Variants in PKNOX1 observed in about 807,000 individuals in gnomAD.
The protein encoded by PKNOX1 is homeobox protein PKNOX1.
A neutral mutation model predicts 51.9 loss-of-function variants in PKNOX1; 15 were observed. The ratio of observed to expected loss-of-function variants is 0.29; its 90% CI spans 0.19 to 0.45. The LOEUF is 0.45. Ranked by LOEUF, PKNOX1 falls within the 20% of genes least tolerant of loss-of-function variation. PKNOX1 has a pLI of 1.00. For synonymous variants in PKNOX1, 219 were observed against 211.1 expected (o/e 1.04, Z -0.32); for missense variants, 462 against 547.5 (o/e 0.84, Z 1.56).
At chr21:43,007,815 G>C in intron 3 of PKNOX1, 197 bp downstream of exon 3, 1 of 521,776 alleles carries the variant, frequency 1.9e-6, no homozygotes, top group East Asian at 3.6e-5. Context: ...TGTAATCCTA[G>C]CACTTTGGGA....
chr21:43,007,827 G>A, intron 3 of PKNOX1: 1 of 457,458 alleles, frequency 2.2e-6, no homozygotes, highest in South Asian at 2.5e-5. Flanking sequence ...ACTTTGGGAG[G>A]CTGAGGCGGG....
chr21:43,022,770 C>T (rs1184714618), intron 8 of PKNOX1, among the ~76,000 whole-genome samples: 1 of 152,036 alleles, frequency 6.6e-6, no homozygotes, highest in Non-Finnish European at 1.5e-5. Flanking sequence ...TAGATGGGGA[C>T]GTACTGGTTT....
chr21:43,005,676 G>A (rs1001241535), intron 2 of PKNOX1, among the ~76,000 whole-genome samples: 39 of 151,784 alleles, frequency 2.6e-4, no homozygotes, highest in South Asian at 2.1e-4. Context: ...ACCCCAGGAC[G>A]CCCCCAACAT....
chr21:42,980,201 C>T lies in PKNOX1; in HGVS notation c.-57+5537C>T, dbSNP rs372481776. On this transcript the variant is annotated intron_variant, in intron 1 of 10. Transcript: ENST00000291547. Reference sequence around the variant, plus strand: ...CAGCCTGGCCAAGATGGGGCAACCCCTGTCTCTACTAAAAATGCAAAATTA... The same window carrying T: ...CAGCCTGGCCAAGATGGGGCAACCCTTGTCTCTACTAAAAATGCAAAATTA... Among the ~76,000 whole-genome samples the T allele has an allele frequency of 3.3e-3, 499 of 152,110 alleles. 2 individuals carry two copies. Among genetic ancestry groups the T allele is most frequent in the African/African-American group, 0.012 (483 of 41,482 alleles).
In PKNOX1 at chr21:42,993,603, C is replaced by G. The variant is rs73370239; in HGVS notation, c.-56-10723C>G. 4.0e-3 allele frequency among the ~76,000 whole-genome samples: 592 copies of G among 146,800 alleles called. 4 individuals carry two copies. The highest frequency in any genetic ancestry group is 0.014 in the African/African-American group (559 of 39,504). The stretch of plus-strand genomic sequence containing the variant: ...CTGGCAAGTCTACTGCCTTATTTCT[C>G]CTGCTCCCTTGGCCTGTGGGTCTGT... On this transcript the variant is annotated intron_variant, in intron 1 of 10. Transcript: ENST00000291547.
intron 1 of PKNOX1, among the ~76,000 whole-genome samples, chr21:42,985,867 G>C (rs1047894163): frequency 6.6e-6 from 1 of 151,972 alleles, no homozygotes; most frequent in South Asian, 2.1e-4. Context: ...TGGTCATGGT[G>C]GCGGGTGCCT....
chr21:43,032,996 C>T lies in PKNOX1; in HGVS notation c.*2895C>T, dbSNP rs936812302. 6.6e-6 allele frequency: 1 copy of T among 152,126 alleles called. No individual in the cohort carries two copies. Among genetic ancestry groups the T allele is most frequent in the Non-Finnish European group, 1.5e-5 (1 of 68,024 alleles). 9.4% of individuals were successfully genotyped at this position (152,126 alleles called of 1,614,324 possible). A position where few individuals can be genotyped will look rare whatever the true frequency, so the allele number is the denominator to read the frequency against. ...AAAAGTGTGACCCCCTCTAAGATTT[C>T]GTTTTAAATGATCAGATTCGGTTCC... On this transcript the variant is annotated 3_prime_UTR_variant, in exon 11 of 11. Coordinates refer to ENST00000291547, the MANE Select transcript of PKNOX1 (RefSeq NM_004571.5).
chr21:43,020,684 G>C (rs1466388552), intron 7 of PKNOX1: 1 of 152,634 alleles, frequency 6.6e-6, no homozygotes, highest in Non-Finnish European at 1.5e-5. Context: ...TCCTGCTCTT[G>C]AGAGTTGGAT....
In PKNOX1 at chr21:43,013,427, A is replaced by C. The variant is rs575955532; in HGVS notation, c.522+189A>C. On this transcript the variant is annotated intron_variant, in intron 5 of 10. Transcript: ENST00000291547. ...CCTCAGATTATGAAGTGAGTCCTCA[A>C]TCTGCATACTGGGCCCCCGGTCCCA... Among the ~76,000 whole-genome samples the C allele has an allele frequency of 2.6e-5, 4 of 152,312 alleles. No homozygotes were observed. The South Asian group carries it at 8.3e-4, about 32-fold the overall frequency.
chr21:43,022,463 G>C (rs1269899621), intron 8 of PKNOX1, among the ~76,000 whole-genome samples: 2 of 152,174 alleles, frequency 1.3e-5, no homozygotes. Flanking sequence ...AAACTGGTGG[G>C]TAGTGTTGCT....
At chr21:43,005,231 C>T (rs186437699) in intron 2 of PKNOX1, among the ~76,000 whole-genome samples, 3 of 152,290 alleles carry the variant, frequency 2.0e-5, no homozygotes, top group Admixed American at 6.5e-5. Context: ...ACACCCCCCT[C>T]GGCTCTCCTC....
intron 1 of PKNOX1, among the ~76,000 whole-genome samples, chr21:42,987,404 A>AAAAAAAAAAAATATATATATAT: frequency 2.4e-5 from 1 of 41,418 alleles, no homozygotes; most frequent in African/African-American, 9.3e-5. Flanking sequence ...AAAAAAAAAA[A>AAAAAAAAAAAATATATATATAT]ATATATATAT....
chr21:42,989,885 G>A (rs2146238070), intron 1 of PKNOX1, among the ~76,000 whole-genome samples: 1 of 152,246 alleles, frequency 6.6e-6, no homozygotes, highest in Admixed American at 6.6e-5. Flanking sequence ...GATTGCTTGA[G>A]CTCAGGAGTT....
chr21:43,029,900 C>T lies in PKNOX1; in HGVS notation c.1110C>T (p.Val370=), dbSNP rs748319269. 14 of 1,613,384 alleles carry T rather than the reference C, an allele frequency of 8.7e-6. No homozygotes were observed. The highest frequency in any genetic ancestry group is 1.6e-4 in the Middle Eastern group (1 of 6,080). Reference sequence around the variant, plus strand: ...TTCATCCTGCCGCAGGAGCTGTTGTCACCATCACCACGCCCGTGAACATGA... The same window carrying T: ...TTCATCCTGCCGCAGGAGCTGTTGTTACCATCACCACGCCCGTGAACATGA... ...SELTMSEGAV[V]TITTPVNMNV... Residue 370 remains valine, a synonymous_variant, in exon 11 of 11, where the codon GTC becomes GTT. Coordinates refer to ENST00000291547, the MANE Select transcript of PKNOX1 (RefSeq NM_004571.5).
intron 1 of PKNOX1, among the ~76,000 whole-genome samples, chr21:42,996,479 ATGTG>A (rs1978510953): frequency 6.6e-6 from 1 of 152,112 alleles, no homozygotes; most frequent in African/African-American, 2.4e-5. Flanking sequence ...AGCTTTCCAG[ATGTG>A]TGTGTAAGTC....
intron 1 of PKNOX1, among the ~76,000 whole-genome samples, chr21:42,979,637 G>T (rs1275204588): frequency 6.6e-6 from 1 of 152,190 alleles, no homozygotes. Context: ...AGCCACTTGG[G>T]AGGCTAAGGC....
intron 1 of PKNOX1, among the ~76,000 whole-genome samples, chr21:42,991,868 A>T (rs973539412): frequency 6.6e-6 from 1 of 152,174 alleles, no homozygotes; most frequent in Admixed American, 6.5e-5. Flanking sequence ...ATTTTAACTT[A>T]TTTATTTATT....
At chr21:43,014,313 G>A (rs1025078328) in intron 5 of PKNOX1, among the ~76,000 whole-genome samples, 36 of 151,918 alleles carry the variant, frequency 2.4e-4, no homozygotes, top group Non-Finnish European at 4.9e-4. Context: ...GAGCTACCAC[G>A]CCTGGCCGTC....
At chr21:42,974,991 T>C (rs428732) in intron 1 of PKNOX1, among the ~76,000 whole-genome samples, 130,503 of 145,416 alleles carry the variant, frequency 0.9, 58,664 homozygotes, top group Non-Finnish European at 0.91. Context: ...GCGCTGGGCC[T>C]GATCGAAGCG....
Sources: allele counts gnomAD v4.1 joint callset (sites outside exome capture counted in the v4.1 genomes callset), GRCh38; gene constraint gnomAD v4.1.1; transcripts MANE v1.5; gene names NCBI Gene and HGNC (gene_info 2026-07-23, HGNC 2026-07-21).